NRXN3: variants seen among roughly 807,000 people sequenced by gnomAD.
The protein encoded by NRXN3 is neurexin 3, also known as neurexin III.
Under a neutral mutation model 137.6 loss-of-function variants are expected in NRXN3, and 32 were observed. The ratio of observed to expected loss-of-function variants is 0.23; its 90% confidence interval spans 0.18 to 0.31. The LOEUF is 0.31. NRXN3 is among the 10% of genes least tolerant of loss of function. NRXN3 has a pLI of 1.00. For missense variants in NRXN3, 1,574 were observed against 2,062.5 expected, an observed-to-expected ratio of 0.76 and a Z score of 4.59; for synonymous variants, 798 against 784.5, an observed-to-expected ratio of 1.02 and a Z score of -0.29.
chr14:78,316,902 C>A (rs1003052328), intron 4 of NRXN3, among the ~76,000 whole-genome samples: 1 of 152,086 alleles, frequency 6.6e-6, no homozygotes, highest in African/African-American at 2.4e-5. Flanking sequence ...GGTTTTTGGT[C>A]TTTGTAAGTG....
chr14:79,486,947 C>A (rs2096661892), intron 16 of NRXN3, among the ~76,000 whole-genome samples: 1 of 150,738 alleles, frequency 6.6e-6, no homozygotes, highest in African/African-American at 2.4e-5. Context: ...CTCTCTCTCT[C>A]TCTCTCTCTC....
chr14:79,364,552 ATAAAAGGCAAT>A (rs1330993307), intron 15 of NRXN3, among the ~76,000 whole-genome samples: 3 of 152,328 alleles, frequency 2.0e-5, no homozygotes, highest in African/African-American at 7.2e-5. Context: ...AATGTAGGAA[ATAAAAGGCAAT>A]AAGCTTCCAT....
intron 4 of NRXN3, among the ~76,000 whole-genome samples, chr14:78,495,693 A>G (rs11622040): frequency 0.42 from 63,694 of 151,858 alleles, 13,587 homozygotes; most frequent in East Asian, 0.53. Context: ...TGTCATTTGG[A>G]GGTCATTTTG....
At chr14:78,465,874 T>G (rs1030976555) in intron 4 of NRXN3, among the ~76,000 whole-genome samples, 2 of 147,230 alleles carry the variant, frequency 1.4e-5, no homozygotes, top group Non-Finnish European at 3.0e-5. Flanking sequence ...TTTTTTGAGA[T>G]GGAGTCTTGC....
intron 15 of NRXN3, among the ~76,000 whole-genome samples, chr14:79,053,997 C>G (rs2099647886): frequency 6.6e-6 from 1 of 151,654 alleles, no homozygotes; most frequent in Non-Finnish European, 1.5e-5. Context: ...TTGATGAGTT[C>G]ATGTCCTTTG....
chr14:78,980,936 T>A (rs1052853724), intron 14 of NRXN3, among the ~76,000 whole-genome samples: 20 of 152,176 alleles, frequency 1.3e-4, no homozygotes, highest in Admixed American at 3.3e-4. Flanking sequence ...AAATAACTTA[T>A]ACCATTCCTA....
intron 15 of NRXN3, among the ~76,000 whole-genome samples, chr14:79,200,535 A>C (rs2065828313): frequency 6.6e-6 from 1 of 152,172 alleles, no homozygotes. Flanking sequence ...GGGATCATTG[A>C]GGATGAAGAA....
At chr14:79,790,489 T>G (rs1025279929) in intron 19 of NRXN3, among the ~76,000 whole-genome samples, 38 of 152,038 alleles carry the variant, frequency 2.5e-4, no homozygotes, top group Admixed American at 1.3e-3. Flanking sequence ...TTTAATTTTT[T>G]GTTGAGATGG....
chr14:79,405,234 G>A (rs1301170321), intron 15 of NRXN3, among the ~76,000 whole-genome samples: 4 of 152,126 alleles, frequency 2.6e-5, no homozygotes, highest in Non-Finnish European at 5.9e-5. Context: ...TCCCAAATCC[G>A]TCTTCCTAAT....
intron 15 of NRXN3, among the ~76,000 whole-genome samples, chr14:79,297,946 A>G (rs193139803): frequency 7.9e-5 from 12 of 152,198 alleles, no homozygotes; most frequent in African/African-American, 2.4e-4. Context: ...GTAGGAGAGT[A>G]TTGTTTCTAA....
intron 20 of NRXN3, among the ~76,000 whole-genome samples, chr14:79,844,666 CT>C (rs1294340422): frequency 2.6e-5 from 4 of 152,108 alleles, no homozygotes; most frequent in Admixed American, 6.6e-5. Context: ...GTAAACCATG[CT>C]GTAAACAACT....
chr14:79,142,822 C>T (rs2058930019), intron 15 of NRXN3, among the ~76,000 whole-genome samples: 1 of 151,918 alleles, frequency 6.6e-6, no homozygotes, highest in Admixed American at 6.6e-5. Flanking sequence ...AGAGCAAATT[C>T]CAGAAAAATA....
intron 19 of NRXN3, among the ~76,000 whole-genome samples, chr14:79,714,115 G>A (rs1010375871): frequency 2.6e-5 from 4 of 152,172 alleles, no homozygotes; most frequent in Admixed American, 1.3e-4. Context: ...TTCCCCTAAA[G>A]AGAAACAATA....
intron 8 of NRXN3, among the ~76,000 whole-genome samples, chr14:78,770,213 C>A (rs2098722563): frequency 6.6e-6 from 1 of 152,196 alleles, no homozygotes; most frequent in Admixed American, 6.5e-5. Flanking sequence ...AAGGACCTCA[C>A]CCAGGGTCGC....
At chr14:79,170,790 T>C (rs2061703240) in intron 15 of NRXN3, among the ~76,000 whole-genome samples, 1 of 152,006 alleles carries the variant, frequency 6.6e-6, no homozygotes, top group Non-Finnish European at 1.5e-5. Flanking sequence ...ACAACCCCTA[T>C]AGGAACTTGA....
intron 10 of NRXN3, among the ~76,000 whole-genome samples, chr14:78,854,318 G>A (rs1237843957): frequency 6.6e-6 from 1 of 152,126 alleles, no homozygotes; most frequent in Non-Finnish European, 1.5e-5. Flanking sequence ...TGGCGGGCTA[G>A]TGGTCACATT....
intron 10 of NRXN3, among the ~76,000 whole-genome samples, chr14:78,838,918 G>C (rs779419723): frequency 6.6e-6 from 1 of 152,086 alleles, no homozygotes; most frequent in African/African-American, 2.4e-5. Flanking sequence ...AAGCTCATAG[G>C]CATGCTGTGC....
At chr14:79,393,277 G>A (rs533860808) in intron 15 of NRXN3, among the ~76,000 whole-genome samples, 4 of 152,232 alleles carry the variant, frequency 2.6e-5, no homozygotes, top group Non-Finnish European at 5.9e-5. Context: ...ATTTAAAGAA[G>A]ACTGTCCCAG....
chr14:78,421,198 G>C (rs935993538), intron 4 of NRXN3, among the ~76,000 whole-genome samples: 2 of 151,070 alleles, frequency 1.3e-5, no homozygotes, highest in Non-Finnish European at 2.9e-5. Flanking sequence ...GGGAGGCGGA[G>C]CTTGCAGTGA....
Sources: allele counts gnomAD v4.1 joint callset (sites outside exome capture counted in the v4.1 genomes callset), GRCh38; gene constraint gnomAD v4.1.1; transcripts MANE v1.5; gene names NCBI Gene and HGNC (gene_info 2026-07-23, HGNC 2026-07-21).